EYS: variants seen among roughly 807,000 people sequenced by gnomAD.
EYS encodes the protein EGF-like photoreceptor maintenance factor, also known as protein eyes shut homolog.
A neutral mutation model predicts 282.1 loss-of-function variants in EYS; 250 were observed. The observed-to-expected ratio is 0.89, with a 90% CI of 0.80 to 0.98. EYS has a LOEUF of 0.98. Among genes scored for constraint, EYS ranks in the 50% least tolerant of loss-of-function variants. The pLI, the probability that EYS is intolerant of heterozygous loss-of-function variation, is 0.00. For missense variants in EYS, 4,016 were observed against 3,709.0 expected, an observed-to-expected ratio of 1.08 and a Z score of -2.15; for synonymous variants, 1,355 against 1,282.9, an observed-to-expected ratio of 1.06 and a Z score of -1.20.
At chr6:64,287,511 C>T (rs141144841) in intron 30 of EYS, among the ~76,000 whole-genome samples, 2 of 152,060 alleles carry the variant, frequency 1.3e-5, no homozygotes, top group Non-Finnish European at 2.9e-5. Context: ...TCAGTAGACT[C>T]ATGATAATAT....
chr6:63,847,694 C>T (rs959847931), intron 36 of EYS, among the ~76,000 whole-genome samples: 2 of 152,304 alleles, frequency 1.3e-5, no homozygotes, highest in Non-Finnish European at 1.5e-5. Flanking sequence ...ATCAATGAAG[C>T]TCTCTACTTT....
intron 21 of EYS, chr6:64,815,370 AT>A (rs760944523): frequency 4.3e-6 from 1 of 231,584 alleles, no homozygotes; most frequent in African/African-American, 2.3e-5. Context: ...CTAGATATGT[AT>A]AGAATGATTT....
At chr6:64,261,584 C>T (rs1007903792) in intron 30 of EYS, among the ~76,000 whole-genome samples, 4 of 152,088 alleles carry the variant, frequency 2.6e-5, no homozygotes, top group South Asian at 4.1e-4. Context: ...AATCAATGAC[C>T]ATGATGTTCT....
chr6:64,046,046 CAT>C (rs1009397690), intron 33 of EYS, among the ~76,000 whole-genome samples: 16 of 146,504 alleles, frequency 1.1e-4, no homozygotes, highest in Non-Finnish European at 2.1e-4. Flanking sequence ...ATATATGTAA[CAT>C]AATATATGTA....
chr6:65,070,049 T>G (rs576186313), intron 12 of EYS, among the ~76,000 whole-genome samples: 5 of 152,052 alleles, frequency 3.3e-5, no homozygotes, highest in Admixed American at 2.6e-4. Context: ...CTCCATTTAC[T>G]TCAGTAAAAA....
chr6:63,997,701 G>C (rs1767896481), intron 34 of EYS, among the ~76,000 whole-genome samples: 3 of 152,142 alleles, frequency 2.0e-5, no homozygotes. Context: ...AAGGTAACTG[G>C]TTTGTCAAAG....
intron 30 of EYS, among the ~76,000 whole-genome samples, chr6:64,269,351 A>C (rs556849753): frequency 1.2e-4 from 19 of 152,182 alleles, no homozygotes; most frequent in Non-Finnish European, 2.6e-4. Context: ...GAATGAAATA[A>C]AAATGGAAAA....
At chr6:64,480,301 G>C (rs1019844408) in intron 26 of EYS, among the ~76,000 whole-genome samples, 98 of 151,822 alleles carry the variant, frequency 6.5e-4, no homozygotes, top group African/African-American at 1.6e-3. Context: ...CTTTAAATTT[G>C]TCATTAAACA....
intron 1 of EYS, among the ~76,000 whole-genome samples, chr6:65,654,489 T>C (rs1767752755): frequency 6.6e-6 from 1 of 151,826 alleles, no homozygotes; most frequent in South Asian, 2.1e-4. Flanking sequence ...TTTTCCAGCA[T>C]CTGAGGTAAT....
intron 31 of EYS, among the ~76,000 whole-genome samples, chr6:64,200,887 C>T (rs1343314968): frequency 6.6e-6 from 1 of 151,928 alleles, no homozygotes; most frequent in Non-Finnish European, 1.5e-5. Context: ...ATAGTGAGTA[C>T]TTAGTCTATA....
intron 2 of EYS, among the ~76,000 whole-genome samples, chr6:65,509,473 A>C (rs891020897): frequency 2.6e-5 from 4 of 152,190 alleles, no homozygotes; most frequent in Non-Finnish European, 5.9e-5. Flanking sequence ...ATTATGTCAA[A>C]CATCTTTTTA....
intron 12 of EYS, among the ~76,000 whole-genome samples, chr6:65,181,296 GCAAT>G (rs2150233544): frequency 6.6e-6 from 1 of 152,154 alleles, no homozygotes; most frequent in South Asian, 2.1e-4. Context: ...GAAAATTTTT[GCAAT>G]CTACTCATCT....
intron 2 of EYS, among the ~76,000 whole-genome samples, chr6:65,567,555 G>A (rs1023184811): frequency 2.0e-5 from 3 of 151,956 alleles, no homozygotes; most frequent in Non-Finnish European, 4.4e-5. Context: ...ATATTCCACT[G>A]AAGGATTGCT....
At chr6:65,056,450 G>C (rs1299244830) in intron 13 of EYS, among the ~76,000 whole-genome samples, 1 of 151,972 alleles carries the variant, frequency 6.6e-6, no homozygotes, top group East Asian at 1.9e-4. Context: ...AAACTACCCT[G>C]ATATGCTGGC....
Position 64,590,576 on chromosome 6 carries a change from A to AT in EYS, c.5290dup (p.Ile1764AsnfsTer6), listed in dbSNP as rs761760327. 8 of 1,551,228 alleles carry AT rather than the reference A, an allele frequency of 5.2e-6. No homozygotes were observed. In the African/African-American group the frequency reaches 9.6e-5, roughly 19 times the overall value. On this transcript the variant is annotated frameshift_variant, in exon 26 of 43. Transcript: ENST00000503581. LOFTEE classifies it high-confidence loss of function. ...ATTTTTGAAGTCATTTGCATGTGTA[A>AT]TTTCTGAATATGTCTTTAAAGTAAC...
intron 36 of EYS, among the ~76,000 whole-genome samples, chr6:63,830,754 C>A (rs1002733054): frequency 6.6e-6 from 1 of 152,158 alleles, no homozygotes; most frequent in African/African-American, 2.4e-5. Context: ...AACTCCAAGA[C>A]ACATAATTGT....
intron 30 of EYS, among the ~76,000 whole-genome samples, chr6:64,265,281 A>G (rs1158421719): frequency 6.6e-6 from 1 of 152,176 alleles, no homozygotes; most frequent in Non-Finnish European, 1.5e-5. Context: ...TGTAAAAGTT[A>G]CAGTTTTTGA....
intron 14 of EYS, among the ~76,000 whole-genome samples, chr6:64,995,969 A>G (rs184288611): frequency 2.6e-5 from 4 of 152,256 alleles, no homozygotes; most frequent in East Asian, 1.9e-4. Flanking sequence ...GGAATCTTAT[A>G]TTACAGGTAT....
intron 23 of EYS, among the ~76,000 whole-genome samples, chr6:64,622,280 T>C (rs1053265165): frequency 6.6e-6 from 1 of 152,144 alleles, no homozygotes; most frequent in African/African-American, 2.4e-5. Context: ...ATGCTTACCA[T>C]GGCCCTGTCA....
Sources: gnomAD v4.1 joint callset for allele counts (sites outside exome capture counted in the v4.1 genomes callset) on GRCh38, gnomAD v4.1.1 for gene constraint, MANE v1.5 for transcripts, NCBI Gene and HGNC (gene_info 2026-07-23, HGNC 2026-07-21) for gene names.